HTT: variants seen among roughly 807,000 people sequenced by gnomAD.
HTT encodes the protein huntington disease protein.
In HTT, 104 loss-of-function variants were observed where a neutral mutation model predicts 362.3. That is an observed-to-expected ratio of 0.29 (90% CI 0.24 to 0.34). The LOEUF is 0.34. Ranked by LOEUF, HTT falls within the 10% of genes least tolerant of loss-of-function variation. The probability of loss-of-function intolerance (pLI) is 1.00; values close to 1 mark genes in which losing one functional copy is unlikely to be tolerated. For missense variants in HTT, 3,301 were observed against 3,928.6 expected (o/e 0.84, Z 4.27); for synonymous variants, 1,577 against 1,548.7 (o/e 1.02, Z -0.43).
intron 2 of HTT, among the ~76,000 whole-genome samples, chr4:3,093,605 A>G (rs1267200708): frequency 6.6e-6 from 1 of 152,154 alleles, no homozygotes; most frequent in Non-Finnish European, 1.5e-5. Flanking sequence ...GGATCTTGAG[A>G]TGAGGGGGCT....
chr4:3,142,360 T>TA (rs1716392146), intron 22 of HTT, among the ~76,000 whole-genome samples: 1 of 152,190 alleles, frequency 6.6e-6, no homozygotes, highest in Non-Finnish European at 1.5e-5. Context: ...CTAAAGGAAT[T>TA]AGAGTTTGTA....
intron 33 of HTT, among the ~76,000 whole-genome samples, chr4:3,176,025 G>GTTTTTTTTTTTTTTTTTTT (rs777646822): frequency 2.2e-5 from 3 of 139,130 alleles, no homozygotes; most frequent in Non-Finnish European, 3.0e-5. Flanking sequence ...GTTGTTGTTT[G>GTTTTTTTTTTTTTTTTTTT]TTTTTTTTTG....
chr4:3,200,019 A>G (rs932651513), intron 41 of HTT, 80 bp downstream of exon 41: 2 of 1,165,018 alleles, frequency 1.7e-6, no homozygotes, highest in Admixed American at 2.2e-5. Context: ...AGCTTTGGCC[A>G]CCGTTAAAGC....
At chr4:3,097,690 A>G (rs1211681543) in intron 2 of HTT, among the ~76,000 whole-genome samples, 2 of 152,202 alleles carry the variant, frequency 1.3e-5, no homozygotes, top group Non-Finnish European at 2.9e-5. Flanking sequence ...CTTTATGCCA[A>G]TAAATTTGAC....
At position 3,177,669 on chromosome 4, in the gene HTT, TGTG is replaced by T. The variant is rs1336999201; in HGVS notation, c.4463+287_4463+289del. The stretch of plus-strand genomic sequence containing the variant: ...GTTGACAGATGGTGGAATGAAATCT[TGTG>T]GTGGAGCACTAGTTTTTAAATCTTC... On this transcript the variant is annotated intron_variant, in intron 34 of 66. Transcript: ENST00000355072. Among the ~76,000 whole-genome samples, 5 of 152,380 alleles carry T rather than the reference TGTG, an allele frequency of 3.3e-5. No individual in the cohort carries two copies. In the East Asian group the frequency reaches 9.6e-4, roughly 29 times the overall value.
intron 35 of HTT, 61 bp downstream of exon 35, chr4:3,178,507 T>C: frequency 6.7e-7 from 1 of 1,482,514 alleles, no homozygotes. Flanking sequence ...CAGTGTTCGT[T>C]TTCATATACC....
At position 3,132,615 on chromosome 4, in the gene HTT, G is replaced by A; in HGVS notation, c.2290G>A (p.Val764Ile). The change falls in exon 17 of 67, where the codon GTT becomes ATT. Residue 764 changes from valine (V) to isoleucine (I), a missense_variant. Val to Ile is a conservative substitution (Grantham distance 29, BLOSUM62 3). Coordinates refer to ENST00000355072, the MANE Select transcript of HTT (RefSeq NM_001388492.1). ...CTACATCGATCATGGAGACCCACAG[G>A]TTCGAGGAGCCACTGCCATTCTCTG... ...LNYIDHGDPQ[V>I]RGATAILCGT... 6.2e-7 allele frequency: 1 copy of A among 1,613,926 alleles called. No individual in the cohort carries two copies. Among genetic ancestry groups the A allele is most frequent in the Non-Finnish European group, 8.5e-7 (1 of 1,179,842 alleles).
At position 3,236,794 on chromosome 4, in the gene HTT, T is replaced by A. The variant is rs192010693; in HGVS notation, c.8891+540T>A. The stretch of plus-strand genomic sequence containing the variant: ...CCCCCACTGCTGTGCGTGCATAGAA[T>A]TGGCTTCCCTCACCTGCTCTGGAAG... On this transcript the variant is annotated intron_variant, in intron 64 of 66. Transcript: ENST00000355072. Among the ~76,000 whole-genome samples the A allele has an allele frequency of 2.7e-3, 401 of 151,000 alleles. 4 individuals are homozygous for A. The highest frequency in any genetic ancestry group is 1.8e-3 in the Non-Finnish European group (122 of 67,656).
intron 29 of HTT, among the ~76,000 whole-genome samples, chr4:3,166,278 C>T (rs1050860969): frequency 2.0e-5 from 3 of 152,192 alleles, no homozygotes; most frequent in African/African-American, 7.2e-5. Flanking sequence ...CTGATCCTTC[C>T]TCTGGAAACA....
chr4:3,080,609 A>G (rs1177109171), intron 1 of HTT, among the ~76,000 whole-genome samples: 1 of 152,170 alleles, frequency 6.6e-6, no homozygotes, highest in African/African-American at 2.4e-5. Context: ...ATTTTGATGA[A>G]GTCGAGTTTA....
chr4:3,126,926 T>G (rs1014091856), intron 11 of HTT, among the ~76,000 whole-genome samples: 14 of 152,234 alleles, frequency 9.2e-5, no homozygotes, highest in African/African-American at 2.7e-4. Flanking sequence ...TTTGCGCCCC[T>G]GACTAGGCTG....
chr4:3,198,373 C>T (rs557968433), intron 40 of HTT, among the ~76,000 whole-genome samples: 4 of 151,998 alleles, frequency 2.6e-5, no homozygotes, highest in African/African-American at 4.8e-5. Context: ...TACAGGCACC[C>T]GCCACCACAC....
rs1718342620 is a variant in HTT, at chr4:3,178,415, C to A, written c.4581C>A (p.Ile1527=). Residue 1527 remains isoleucine (I), a synonymous_variant, in exon 35 of 67, where the codon ATC becomes ATA. Transcript: ENST00000355072. ...IPKIIQLCDG[I]MASGRKAVTH... Reference sequence around the variant, plus strand: ...AAATCATTCAGCTCTGTGATGGCATCATGGCCAGTGGAAGGAAGGCTGTGA... The same window carrying A: ...AAATCATTCAGCTCTGTGATGGCATAATGGCCAGTGGAAGGAAGGCTGTGA... 3 of 1,613,860 alleles carry A rather than the reference C, an allele frequency of 1.9e-6. No homozygotes were observed. The highest frequency in any genetic ancestry group is 2.5e-6 in the Non-Finnish European group (3 of 1,179,824).
intron 41 of HTT, among the ~76,000 whole-genome samples, chr4:3,202,347 G>A (rs561777854): frequency 6.6e-6 from 1 of 152,230 alleles, no homozygotes; most frequent in South Asian, 2.1e-4. Flanking sequence ...TATGTCTACT[G>A]CTCATATTTG....
In HTT at chr4:3,077,248, C is replaced by T. The variant is rs181974554; in HGVS notation, c.263+2160C>T. ...TGACATGATACAAATTCTGTAATTA[C>T]AAAAGGGCAATAATTAAAATATCTT... On this transcript the variant is annotated intron_variant, in intron 1 of 66. Coordinates refer to ENST00000355072, the MANE Select transcript of HTT (RefSeq NM_001388492.1). Among the ~76,000 whole-genome samples the T allele has an allele frequency of 8.5e-5, 13 of 152,140 alleles. No individual in the cohort carries two copies. The East Asian group carries it at 2.5e-3, about 29-fold the overall frequency.
Position 3,136,292 on chromosome 4 carries a change from A to T in HTT, c.2764A>T (p.Arg922Trp). 1 of 1,609,714 alleles carries T rather than the reference A, an allele frequency of 6.2e-7. No homozygotes were observed. The highest frequency in any genetic ancestry group is 8.5e-7 in the Non-Finnish European group (1 of 1,176,120). The change falls in exon 21 of 67, where the codon AGG (arginine) becomes TGG (tryptophan). Residue 922 changes from arginine to tryptophan, a missense_variant. Physicochemically the swap from Arg to Trp is moderately radical, Grantham distance 101. Around this residue, in one of 4 missense-constraint regions of HTT, gnomAD observed 2,316 missense variants for 2,658.5 expected, o/e 0.87. Coordinates refer to ENST00000355072, the MANE Select transcript of HTT (RefSeq NM_001388492.1). ...VIHLLGDEDP[R>W]VRHVAAASLI... The stretch of plus-strand genomic sequence containing the variant: ...CCATTTGCTTGGAGATGAAGACCCC[A>T]GGGTGCGACATGTTGCCGCAGCATC...
Position 3,213,951 on chromosome 4 carries a change from C to T in HTT, c.6775-7C>T. 6.5e-7 allele frequency: 1 copy of T among 1,535,496 alleles called. No homozygotes were observed. Among genetic ancestry groups the T allele is most frequent in the Non-Finnish European group, 8.8e-7 (1 of 1,133,792 alleles). The stretch of plus-strand genomic sequence containing the variant: ...TGGGCATTCTGTGACTCGGTACTTC[C>T]CTTTAGGCCCTGTCCTGGCATTTGA... On this transcript the variant is annotated splice_polypyrimidine_tract_variant and splice_region_variant and intron_variant, in intron 49 of 66. Transcript: ENST00000355072.
Position 3,121,363 on chromosome 4 carries a change from G to C in HTT, c.1204G>C (p.Gly402Arg), listed in dbSNP as rs1348224993. ...LQTLTAVGGI[G>R]QLTAAKEESG... is the part of the protein sequence containing the mutation. ...AACCCTGACCGCAGTCGGGGGCATT[G>C]GGCAGCTCACCGCTGCTAAGGAGGA... Residue 402 changes from glycine to arginine, a missense_variant, in exon 9 of 67, where the codon GGG (glycine) becomes CGG (arginine). This residue lies in a region of HTT where 2,316 missense variants were observed against 2,658.5 expected (regional missense o/e 0.87). Transcript: ENST00000355072. 2.5e-6 allele frequency: 4 copies of C among 1,613,994 alleles called. No individual in the cohort carries two copies. Among genetic ancestry groups the C allele is most frequent in the Non-Finnish European group, 1.7e-6 (2 of 1,180,010 alleles).
chr4:3,162,682 T>G (rs1717504904), intron 29 of HTT, among the ~76,000 whole-genome samples: 1 of 152,198 alleles, frequency 6.6e-6, no homozygotes, highest in African/African-American at 2.4e-5. Context: ...ATTCCCTTAG[T>G]AGCATTTGTG....
Sources: allele counts gnomAD v4.1 joint callset (sites outside exome capture counted in the v4.1 genomes callset), GRCh38; gene constraint gnomAD v4.1.1; regional missense constraint gnomAD v4.1.1; transcripts MANE v1.5; gene names NCBI Gene and HGNC (gene_info 2026-07-23, HGNC 2026-07-21).